Variants in UTRN observed in about 807,000 individuals in gnomAD.
The protein encoded by UTRN is utrophin.
In UTRN, 283 loss-of-function variants were observed where a neutral mutation model predicts 463.9. That is an observed-to-expected ratio of 0.61 (90% CI 0.55 to 0.67). UTRN has a LOEUF of 0.67. Ranked by LOEUF, UTRN falls within the 30% of genes least tolerant of loss-of-function variation. The pLI, the probability that UTRN is intolerant of heterozygous loss-of-function variation, is 0.00. For missense variants in UTRN, 3,922 were observed against 4,084.3 expected (o/e 0.96, Z 1.08); for synonymous variants, 1,442 against 1,431.5 (o/e 1.01, Z -0.17).
At chr6:144,625,654 G>A (rs1221668917) in intron 51 of UTRN, among the ~76,000 whole-genome samples, 7 of 152,180 alleles carry the variant, frequency 4.6e-5, no homozygotes, top group Non-Finnish European at 8.8e-5. Context: ...GAAGGAATGT[G>A]CTAATGCAAA....
At chr6:144,464,985 A>G (rs1375715756) in intron 23 of UTRN, among the ~76,000 whole-genome samples, 1 of 152,200 alleles carries the variant, frequency 6.6e-6, no homozygotes, top group East Asian at 1.9e-4. Context: ...TAATTTCTGG[A>G]AACATTTCTG....
chr6:144,774,407 G>GC (rs1554386504), intron 60 of UTRN, 43 bp downstream of exon 60: 1 of 1,465,022 alleles, frequency 6.8e-7, no homozygotes, highest in Non-Finnish European at 9.0e-7. Context: ...TACTTGAATT[G>GC]CGTTTTTTTT....
intron 55 of UTRN, among the ~76,000 whole-genome samples, chr6:144,749,398 C>A (rs978884839): frequency 1.3e-5 from 2 of 152,118 alleles, no homozygotes; most frequent in Non-Finnish European, 2.9e-5. Flanking sequence ...TTACAGAATA[C>A]ACACCTTCTG....
intron 45 of UTRN, 40 bp downstream of exon 45, chr6:144,539,483 T>C (rs1302857232): frequency 2.0e-6 from 3 of 1,533,446 alleles, no homozygotes; most frequent in African/African-American, 1.4e-5. Flanking sequence ...TCATATTTAT[T>C]GATTTTGTTG....
intron 41 of UTRN, among the ~76,000 whole-genome samples, chr6:144,529,715 T>C (rs996192087): frequency 6.6e-6 from 1 of 152,106 alleles, no homozygotes; most frequent in South Asian, 2.1e-4. Flanking sequence ...TAGCAAAATG[T>C]TAAAAGTAAT....
chr6:144,482,094 G>A, intron 26 of UTRN, 115 bp from the exon 27 acceptor site: 1 of 887,084 alleles, frequency 1.1e-6, no homozygotes, highest in Non-Finnish European at 1.6e-6. Context: ...TTGGCAGTTA[G>A]AATCATCCAG....
chr6:144,536,698 T>C (rs544738313), intron 43 of UTRN, among the ~76,000 whole-genome samples: 273 of 152,168 alleles, frequency 1.8e-3, no homozygotes, highest in African/African-American at 5.9e-3. Context: ...TATTTAAAAA[T>C]TGCATTCAGT....
At chr6:144,774,781 G>A (rs1775165897) in intron 60 of UTRN, among the ~76,000 whole-genome samples, 1 of 152,126 alleles carries the variant, frequency 6.6e-6, no homozygotes, top group Non-Finnish European at 1.5e-5. Flanking sequence ...ATCTAAATTT[G>A]AACTGGCACC....
intron 18 of UTRN, among the ~76,000 whole-genome samples, chr6:144,451,886 G>A (rs145793611): frequency 4.0e-4 from 61 of 152,264 alleles, no homozygotes; most frequent in African/African-American, 1.4e-3. Context: ...ATCAAAAAGT[G>A]TATTCAATAT....
At position 144,707,243 on chromosome 6, in the gene UTRN, A is replaced by G. The variant is rs1330602923; in HGVS notation, c.7809+7000A>G. Among the ~76,000 whole-genome samples, 4 of 152,226 alleles carry G rather than the reference A, an allele frequency of 2.6e-5. 1 individual carries two copies. In the East Asian group the frequency reaches 5.8e-4, roughly 22 times the overall value. On this transcript the variant is annotated intron_variant, in intron 53 of 74. Coordinates refer to ENST00000367545, the MANE Select transcript of UTRN (RefSeq NM_007124.3). ...AAGATTTTTTTCACCCCAAGAACCA[A>G]TTTTTGTTCCCAGTTGAGAATGTAA... is the stretch of plus-strand genomic sequence containing the variant.
chr6:144,554,447 G>T (rs1339424147), intron 48 of UTRN, among the ~76,000 whole-genome samples: 1 of 151,984 alleles, frequency 6.6e-6, no homozygotes, highest in Non-Finnish European at 1.5e-5. Flanking sequence ...ATATTTTTTT[G>T]GGAGTTGTTT....
intron 61 of UTRN, among the ~76,000 whole-genome samples, chr6:144,785,610 A>C (rs1221395483): frequency 1.3e-5 from 2 of 152,174 alleles, no homozygotes; most frequent in Non-Finnish European, 2.9e-5. Flanking sequence ...TTTGTAAAAA[A>C]AATTTATTTT....
chr6:144,434,329 C>T lies in UTRN; in HGVS notation c.856-1606C>T, dbSNP rs367812381. ...CTTCGGCTCGGCATCAGAGGGAGAC[C>T]GTGGAAAGAGGGGAGGGGGAGGGGG... On this transcript the variant is annotated intron_variant, in intron 9 of 74. Transcript: ENST00000367545. Among the ~76,000 whole-genome samples, 22 of 95,310 alleles carry T rather than the reference C, an allele frequency of 2.3e-4. No homozygotes were observed. In the East Asian group the frequency reaches 4.6e-3, roughly 20 times the overall value. The allele number at this position is 95,310 out of a possible 152,430, so 62.5% of individuals were successfully genotyped here. A position where few individuals can be genotyped will look rare whatever the true frequency, so the allele number is the denominator to read the frequency against.
chr6:144,570,470 G>A (rs1011217014), intron 50 of UTRN, among the ~76,000 whole-genome samples: 9 of 152,124 alleles, frequency 5.9e-5, no homozygotes, highest in Non-Finnish European at 1.0e-4. Flanking sequence ...TTGCCCAAGC[G>A]CTCATGGCTA....
intron 32 of UTRN, among the ~76,000 whole-genome samples, chr6:144,492,880 A>G (rs6912724): frequency 0.26 from 39,039 of 152,132 alleles, 5,260 homozygotes; most frequent in Middle Eastern, 0.33. Context: ...ATAAATGTTA[A>G]TAATTCCAAA....
At chr6:144,478,696 AT>A (rs1562462065) in intron 25 of UTRN, among the ~76,000 whole-genome samples, 3 of 152,198 alleles carry the variant, frequency 2.0e-5, no homozygotes, top group African/African-American at 7.2e-5. Flanking sequence ...TTTGGTTACT[AT>A]CCACCTAGCA....
At chr6:144,352,306 G>A (rs7749006) in intron 2 of UTRN, among the ~76,000 whole-genome samples, 10,125 of 151,990 alleles carry the variant, frequency 0.067, 1,070 homozygotes, top group African/African-American at 0.23. Flanking sequence ...GTGGTTTAAG[G>A]GACTTTTGGG....
intron 16 of UTRN, 33 bp downstream of exon 16, chr6:144,447,814 T>C: frequency 6.5e-7 from 1 of 1,546,522 alleles, no homozygotes; most frequent in Non-Finnish European, 8.7e-7. Context: ...TGTTGTGCCA[T>C]GAAGTAAACA....
At chr6:144,808,046 T>G (rs921528212) in intron 65 of UTRN, among the ~76,000 whole-genome samples, 2 of 152,122 alleles carry the variant, frequency 1.3e-5, no homozygotes, top group African/African-American at 4.8e-5. Context: ...TTAACTCCAT[T>G]AGGGAAATAC....
Sources: gnomAD v4.1 joint callset for allele counts (sites outside exome capture counted in the v4.1 genomes callset) on GRCh38, gnomAD v4.1.1 for gene constraint, MANE v1.5 for transcripts, NCBI Gene and HGNC (gene_info 2026-07-23, HGNC 2026-07-21) for gene names.